APBB2: variants seen among roughly 807,000 people sequenced by gnomAD.
APBB2 encodes the protein Fe65-like 1.
In APBB2, 38 loss-of-function variants were observed where a neutral mutation model predicts 82.5. The observed-to-expected ratio is 0.46, with a 90% CI of 0.36 to 0.60. APBB2 has a LOEUF of 0.60. Ranked by LOEUF, APBB2 falls within the 20% of genes least tolerant of loss-of-function variation. APBB2 has a pLI of 0.00. For missense variants in APBB2, 772 were observed against 972.3 expected (o/e 0.79, Z 2.74); for synonymous variants, 341 against 368.2 (o/e 0.93, Z 0.85).
At chr4:40,975,159 G>A (rs183321623) in intron 6 of APBB2, among the ~76,000 whole-genome samples, 90 of 152,114 alleles carry the variant, frequency 5.9e-4, no homozygotes, top group Non-Finnish European at 1.1e-3. Context: ...CTGCTGATCC[G>A]TCCTCCCACC....
chr4:40,889,112 C>T (rs559384944), intron 12 of APBB2, among the ~76,000 whole-genome samples: 1 of 152,242 alleles, frequency 6.6e-6, no homozygotes, highest in Non-Finnish European at 1.5e-5. Flanking sequence ...GCCCAGCTGT[C>T]ATCATTCATC....
At chr4:40,868,890 T>C (rs1346144161) in intron 12 of APBB2, among the ~76,000 whole-genome samples, 2 of 152,228 alleles carry the variant, frequency 1.3e-5, no homozygotes, top group Admixed American at 1.3e-4. Context: ...GTGTGCCAAC[T>C]TTGTAACAAG....
chr4:40,820,400 C>T (rs578142211), intron 17 of APBB2, among the ~76,000 whole-genome samples: 10 of 152,274 alleles, frequency 6.6e-5, no homozygotes, highest in African/African-American at 2.4e-4. Context: ...TGCGGTGGCT[C>T]ATGCCGGTAA....
At position 40,825,890 on chromosome 4, in the gene APBB2, C is replaced by T. The variant is rs1433619180; in HGVS notation, c.1813G>A (p.Val605Ile). The change falls in exon 15 of 18, where the codon GTC becomes ATC. Residue 605 changes from valine to isoleucine, a missense_variant. Val to Ile is a conservative substitution (Grantham distance 29). Coordinates refer to ENST00000508593, the MANE Select transcript of APBB2 (RefSeq NM_004307.2). ...AGACAATAAACATTTCACATACCGACTGGTTTGTCTACAGGTAACATGCCC... is the reference window on the plus strand; with the variant it reads ...AGACAATAAACATTTCACATACCGATTGGTTTGTCTACAGGTAACATGCCC... ...YLGMLPVDKP[V>I]GMDILNSAIE... The T allele has an allele frequency of 3.1e-6, 5 of 1,613,470 alleles. No homozygotes were observed. The highest frequency in any genetic ancestry group is 4.2e-6 in the Non-Finnish European group (5 of 1,179,412).
At chr4:40,884,817 A>G (rs536167967) in intron 12 of APBB2, among the ~76,000 whole-genome samples, 1 of 152,248 alleles carries the variant, frequency 6.6e-6, no homozygotes, top group South Asian at 2.1e-4. Flanking sequence ...GGATAAATAC[A>G]GCTGGGAATA....
At chr4:41,067,193 T>A (rs550572790) in intron 3 of APBB2, among the ~76,000 whole-genome samples, 3 of 152,256 alleles carry the variant, frequency 2.0e-5, no homozygotes, top group African/African-American at 7.2e-5. Flanking sequence ...GCGGATCACC[T>A]GAGGTCGGGA....
At chr4:41,140,214 C>CCT (rs1758717446) in intron 2 of APBB2, among the ~76,000 whole-genome samples, 1 of 152,110 alleles carries the variant, frequency 6.6e-6, no homozygotes, top group South Asian at 2.1e-4. Context: ...TTTCTGATAG[C>CCT]CTCTCATTTG....
At chr4:41,065,268 G>C (rs1464732914) in intron 4 of APBB2, among the ~76,000 whole-genome samples, 2 of 152,040 alleles carry the variant, frequency 1.3e-5, no homozygotes, top group African/African-American at 4.8e-5. Flanking sequence ...CTGGGCAACA[G>C]AGCAAGACCC....
At chr4:41,209,846 C>G (rs1778896518) in intron 1 of APBB2, among the ~76,000 whole-genome samples, 1 of 152,126 alleles carries the variant, frequency 6.6e-6, no homozygotes, top group Non-Finnish European at 1.5e-5. Flanking sequence ...GGGCATTGGA[C>G]AAAGCAGTGA....
At chr4:40,864,809 C>A (rs1031660859) in intron 12 of APBB2, among the ~76,000 whole-genome samples, 20 of 150,954 alleles carry the variant, frequency 1.3e-4, no homozygotes, top group Admixed American at 1.2e-3. Context: ...AATTGTTATC[C>A]TCCATGGTTC....
At chr4:40,900,019 C>G (rs1774820748) in intron 10 of APBB2, among the ~76,000 whole-genome samples, 1 of 152,198 alleles carries the variant, frequency 6.6e-6, no homozygotes, top group South Asian at 2.1e-4. Flanking sequence ...TGCTCTGTGA[C>G]TGTTGAGAGA....
intron 10 of APBB2, among the ~76,000 whole-genome samples, chr4:40,908,487 G>A (rs1362058025): frequency 6.6e-6 from 1 of 152,128 alleles, no homozygotes; most frequent in Non-Finnish European, 1.5e-5. Flanking sequence ...GACGGAGAGA[G>A]GGAGGCCGGC....
chr4:40,837,100 C>T (rs1260292575), intron 12 of APBB2, among the ~76,000 whole-genome samples: 1 of 152,202 alleles, frequency 6.6e-6, no homozygotes, highest in East Asian at 1.9e-4. Flanking sequence ...GTAGTAAACA[C>T]ACCTCCACAC....
intron 12 of APBB2, among the ~76,000 whole-genome samples, chr4:40,853,811 A>G (rs1392004738): frequency 1.3e-5 from 2 of 152,036 alleles, no homozygotes; most frequent in Non-Finnish European, 2.9e-5. Flanking sequence ...CTCAGCCTTC[A>G]AGCCCAGCTC....
chr4:40,998,575 C>T (rs1019575404), intron 6 of APBB2, among the ~76,000 whole-genome samples: 1 of 152,136 alleles, frequency 6.6e-6, no homozygotes, highest in Non-Finnish European at 1.5e-5. Context: ...GCAGGGTTTT[C>T]TTTACCTACT....
chr4:40,837,804 CTCT>C (rs1218022600), intron 12 of APBB2, among the ~76,000 whole-genome samples: 1 of 152,128 alleles, frequency 6.6e-6, no homozygotes, highest in Non-Finnish European at 1.5e-5. Context: ...TTTCTTGTGT[CTCT>C]TCTTTAAATG....
At chr4:41,049,574 C>T (rs540894678) in intron 4 of APBB2, among the ~76,000 whole-genome samples, 14 of 151,704 alleles carry the variant, frequency 9.2e-5, no homozygotes, top group Admixed American at 4.6e-4. Flanking sequence ...CTCTGCCCAA[C>T]CGCCCCTTCT....
intron 2 of APBB2, among the ~76,000 whole-genome samples, chr4:41,133,196 G>T (rs1332000445): frequency 2.0e-5 from 3 of 152,028 alleles, no homozygotes; most frequent in Non-Finnish European, 2.9e-5. Context: ...CACATATACA[G>T]AACTACTTCA....
chr4:40,934,732 T>C, intron 8 of APBB2, 33 bp from the exon 9 acceptor site: 1 of 1,484,912 alleles, frequency 6.7e-7, no homozygotes, highest in Non-Finnish European at 9.4e-7. Context: ...TAATGTACAA[T>C]GGGGGAGAAG....
Sources: allele counts gnomAD v4.1 joint callset (sites outside exome capture counted in the v4.1 genomes callset), GRCh38; gene constraint gnomAD v4.1.1; transcripts MANE v1.5; gene names NCBI Gene and HGNC (gene_info 2026-07-23, HGNC 2026-07-21).